DPEP1: variants seen among roughly 807,000 people sequenced by gnomAD.
The protein encoded by DPEP1 is dipeptidase 1.
DPEP1 carries 50 observed loss-of-function variants against 42.3 expected under a neutral mutation model. The ratio of observed to expected loss-of-function variants is 1.18; its 90% confidence interval spans 0.94 to 1.50. The LOEUF (loss-of-function observed/expected upper bound fraction) is 1.50, where lower values mean the gene tolerates loss of function less well. Among genes scored for constraint, DPEP1 ranks in the 40% most tolerant of loss-of-function variants. DPEP1 has a pLI of 0.00. For missense variants in DPEP1, 663 were observed against 553.0 expected (o/e 1.20, Z -1.99); for synonymous variants, 297 against 234.0 (o/e 1.27, Z -2.46).
At chr16:89,640,199 A>C (rs1245219429), downstream of DPEP1, among the ~76,000 whole-genome samples, 2 of 152,100 alleles carry the variant, frequency 1.3e-5, no homozygotes, top group African/African-American at 4.8e-5. Context: ...AGGACCCCCC[A>C]CGCTGCTGCT....
chr16:89,617,707 C>CACCTTTAATCCCAGCACTTTGGGA, intron 1 of DPEP1, among the ~76,000 whole-genome samples: 1 of 70,330 alleles, frequency 1.4e-5, no homozygotes, highest in South Asian at 5.3e-4. Context: ...AGGTTGGGCA[C>CACCTTTAATCCCAGCACTTTGGGA]GGTGGCTCAC....
At chr16:89,622,762 T>C (rs1238552791) in intron 1 of DPEP1, among the ~76,000 whole-genome samples, 4 of 147,618 alleles carry the variant, frequency 2.7e-5, no homozygotes, top group Non-Finnish European at 4.5e-5. Context: ...CCAGCCTGGG[T>C]GACACAGTGA....
intron 2 of DPEP1, among the ~76,000 whole-genome samples, chr16:89,635,671 C>T (rs961502321): frequency 1.3e-5 from 2 of 152,232 alleles, no homozygotes; most frequent in Non-Finnish European, 2.9e-5. Flanking sequence ...GGCTACCCAG[C>T]TCCCTGAGCT....
intron 2 of DPEP1, among the ~76,000 whole-genome samples, chr16:89,634,196 G>C (rs953122833): frequency 6.1e-5 from 9 of 147,412 alleles, no homozygotes; most frequent in South Asian, 2.1e-4. Context: ...TCCTGCCATT[G>C]TCCTGCCTCA....
Position 89,637,852 on chromosome 16 carries a change from G to A in DPEP1, c.946G>A (p.Glu316Lys). 1 of 1,612,808 alleles carries A rather than the reference G, an allele frequency of 6.2e-7. No individual in the cohort carries two copies. Among genetic ancestry groups the A allele is most frequent in the South Asian group, 1.1e-5 (1 of 91,088 alleles). ...DGVPRVPEGL[E>K]DVSKYPDLIA... ...TCAACACAGGGTCCCTGAGGGGCTG[G>A]AGGACGTCTCCAAGTATCCAGACCT... The change falls in exon 10 of 11, where the codon GAG becomes AAG. Residue 316 changes from glutamate (E) to lysine (K), a missense_variant. Coordinates refer to ENST00000690203, the MANE Select transcript of DPEP1 (RefSeq NM_001389466.1).
chr16:89,620,329 C>G (rs2059433164), intron 1 of DPEP1, among the ~76,000 whole-genome samples: 1 of 152,160 alleles, frequency 6.6e-6, no homozygotes, highest in African/African-American at 2.4e-5. Context: ...TTGAGACTCT[C>G]TGGGCTCGTT....
chr16:89,638,191 C>A lies in DPEP1; in HGVS notation c.1205C>A (p.Ala402Asp), dbSNP rs1014717256. The A allele has an allele frequency of 3.1e-6, 5 of 1,591,122 alleles. No individual in the cohort carries two copies. The highest frequency in any genetic ancestry group is 8.6e-7 in the Non-Finnish European group (1 of 1,167,158). Residue 402 changes from alanine (A) to aspartate (D), a missense_variant, in exon 11 of 11, where the codon GCT becomes GAT. Coordinates refer to ENST00000690203, the MANE Select transcript of DPEP1 (RefSeq NM_001389466.1). ...TGGGGGCTCCTGCTGGCCTCCCTCG[C>A]TCCCCTGGTCCTCTGTCTGTCTCTC... ...RHWGLLLASL[A>D]PLVLCLSLL
intron 1 of DPEP1, among the ~76,000 whole-genome samples, chr16:89,615,890 G>A (rs1184109957): frequency 2.0e-5 from 3 of 152,142 alleles, no homozygotes; most frequent in African/African-American, 7.2e-5. Context: ...TGGCCTCTGA[G>A]TGTCCACCCC....
At chr16:89,635,794 G>T (rs1319225671) in intron 2 of DPEP1, 114 bp from the exon 3 acceptor site, 1 of 1,389,056 alleles carries the variant, frequency 7.2e-7, no homozygotes, top group Non-Finnish European at 9.5e-7. Context: ...CTTCAGTCCT[G>T]CGTCTGTCGT....
chr16:89,632,982 G>A (rs1422222316), intron 2 of DPEP1, among the ~76,000 whole-genome samples: 1 of 152,122 alleles, frequency 6.6e-6, no homozygotes, highest in Non-Finnish European at 1.5e-5. Flanking sequence ...GCAGAGAGCT[G>A]CCCCATTGCA....
rs114412274 is a variant in DPEP1 at position 89,626,689 on chromosome 16, C to A, written c.-106-3616C>A. ...TTTTTAAAAGTGTTTGGCAGTCCCC[C>A]CCTCAAACTCTCTCCCCCGCTGCCA... is the stretch of plus-strand genomic sequence containing the variant. On this transcript the variant is annotated intron_variant, in intron 1 of 10. Coordinates refer to ENST00000690203, the MANE Select transcript of DPEP1 (RefSeq NM_001389466.1). Among the ~76,000 whole-genome samples, 696 of 152,024 alleles carry A rather than the reference C, an allele frequency of 4.6e-3. 5 individuals carry two copies. The highest frequency in any genetic ancestry group is 0.016 in the African/African-American group (658 of 41,488).
At position 89,634,812 on chromosome 16, in the gene DPEP1, C is replaced by CT. The variant is rs774282886; in HGVS notation, c.105-1096_105-1095insT. ...CCTTCCTTCTCCTTTCCCCTTCCTTCCCTTTCCCCTTCCTTCTCCTTTCCC... is the reference window on the plus strand; with the variant it reads ...CCTTCCTTCTCCTTTCCCCTTCCTTCTCCTTTCCCCTTCCTTCTCCTTTCCC... On this transcript the variant is annotated intron_variant, in intron 2 of 10. Transcript: ENST00000690203. 9.0e-4 allele frequency among the ~76,000 whole-genome samples: 44 copies of CT among 48,998 alleles called. 1 individual carries two copies. Among genetic ancestry groups the CT allele is most frequent in the African/African-American group, 2.8e-3 (34 of 12,162 alleles). 32.1% of individuals were successfully genotyped at this position (48,998 alleles called of 152,430 possible). A position where few individuals can be genotyped will look rare whatever the true frequency, so the allele number is the denominator to read the frequency against.
intron 6 of DPEP1, 111 bp downstream of exon 6, chr16:89,637,046 A>G (rs374706335): frequency 1.0e-5 from 16 of 1,534,716 alleles, no homozygotes; most frequent in Non-Finnish European, 1.4e-5. Flanking sequence ...TGTCTGTAAA[A>G]TGGAGCTGGC....
At chr16:89,634,028 G>C (rs977591609) in intron 2 of DPEP1, among the ~76,000 whole-genome samples, 1 of 151,672 alleles carries the variant, frequency 6.6e-6, no homozygotes, top group Non-Finnish European at 1.5e-5. Context: ...TGAGATCGTA[G>C]CCTAGAGCCT....
At chr16:89,626,216 T>C (rs1208400678) in intron 1 of DPEP1, among the ~76,000 whole-genome samples, 1 of 152,176 alleles carries the variant, frequency 6.6e-6, no homozygotes, top group East Asian at 1.9e-4. Flanking sequence ...CACCCAAATC[T>C]CATCTCAGAT....
At chr16:89,615,097 G>C (rs1161869988) in intron 1 of DPEP1, among the ~76,000 whole-genome samples, 1 of 152,188 alleles carries the variant, frequency 6.6e-6, no homozygotes. Context: ...TCCAAACGTG[G>C]AAGTGTCTCT....
chr16:89,640,543 G>A, downstream of DPEP1: 1 of 984,494 alleles, frequency 1.0e-6, no homozygotes, highest in Non-Finnish European at 1.2e-6. Context: ...GACGCGTCCT[G>A]ATCTTCCAGG....
chr16:89,634,463 G>C (rs115712101), intron 2 of DPEP1, among the ~76,000 whole-genome samples: 2 of 151,474 alleles, frequency 1.3e-5, no homozygotes, highest in South Asian at 2.1e-4. Context: ...AGCTGGATTC[G>C]GACCCTCTGG....
intron 1 of DPEP1, among the ~76,000 whole-genome samples, chr16:89,624,431 T>C (rs1480022743): frequency 1.3e-5 from 2 of 152,136 alleles, no homozygotes; most frequent in African/African-American, 2.4e-5. Context: ...ACGTGCAAAG[T>C]AACGAACAAA....
Sources: allele counts gnomAD v4.1 joint callset (sites outside exome capture counted in the v4.1 genomes callset), GRCh38; gene constraint gnomAD v4.1.1; transcripts MANE v1.5; gene names NCBI Gene and HGNC (gene_info 2026-07-23, HGNC 2026-07-21).